FOXP1: variants seen among roughly 807,000 people sequenced by gnomAD.
The protein encoded by FOXP1 is forkhead box P1, also known as forkhead box protein P1.
Under a neutral mutation model 98.2 loss-of-function variants are expected in FOXP1, and 15 were observed. The observed-to-expected ratio is 0.15, with a 90% CI of 0.10 to 0.24. The LOEUF (loss-of-function observed/expected upper bound fraction) is 0.24. FOXP1 is among the 10% of genes least tolerant of loss of function. FOXP1 has a pLI of 1.00. For missense variants in FOXP1, 633 were observed against 848.5 expected, an observed-to-expected ratio of 0.75 and a Z score of 3.15; for synonymous variants, 371 against 314.5, an observed-to-expected ratio of 1.18 and a Z score of -1.90.
At chr3:71,469,124 A>C (rs569639690) in intron 3 of FOXP1, among the ~76,000 whole-genome samples, 8 of 152,222 alleles carry the variant, frequency 5.3e-5, no homozygotes, top group Admixed American at 4.6e-4. Context: ...AATAACAATA[A>C]AAGTGCAAAT....
At chr3:71,297,710 G>C (rs921520419) in intron 5 of FOXP1, among the ~76,000 whole-genome samples, 1 of 150,490 alleles carries the variant, frequency 6.6e-6, no homozygotes, top group African/African-American at 2.4e-5. Context: ...CTGCCTCCCG[G>C]GTTTAAGTGA....
chr3:71,478,314 G>C (rs1408191557), intron 3 of FOXP1, among the ~76,000 whole-genome samples: 1 of 152,018 alleles, frequency 6.6e-6, no homozygotes, highest in African/African-American at 2.4e-5. Flanking sequence ...TTCACAATGA[G>C]AAAAAAATAT....
intron 5 of FOXP1, chr3:71,210,910 C>T (rs1158614120): frequency 2.0e-5 from 3 of 152,102 alleles, no homozygotes; most frequent in Non-Finnish European, 2.9e-5. Context: ...ATTTTCTTTT[C>T]CTGAACCCTG....
chr3:71,501,978 C>G (rs2107195881), intron 2 of FOXP1, among the ~76,000 whole-genome samples: 1 of 152,280 alleles, frequency 6.6e-6, no homozygotes, highest in East Asian at 1.9e-4. Context: ...TGGATGGTGG[C>G]ACGACAGCGC....
chr3:71,542,632 C>T (rs1411179060), intron 2 of FOXP1, among the ~76,000 whole-genome samples: 1 of 152,210 alleles, frequency 6.6e-6, no homozygotes, highest in Admixed American at 6.5e-5. Flanking sequence ...CGGCTGTGTG[C>T]CACATCTGCA....
intron 13 of FOXP1, among the ~76,000 whole-genome samples, chr3:70,991,509 A>C (rs2040596727): frequency 6.6e-6 from 1 of 152,200 alleles, no homozygotes; most frequent in South Asian, 2.1e-4. Context: ...AGAAAAGGGA[A>C]CACGGTTTGG....
rs112098084 is a variant in FOXP1 at position 70,956,415 on chromosome 3, C to CTT, written c.*2830_*2831dup. 288 of 186,380 alleles carry CTT rather than the reference C, an allele frequency of 1.5e-3. No individual in the cohort carries two copies. The highest frequency in any genetic ancestry group is 2.1e-3 in the Non-Finnish European group (198 of 95,922). 11.5% of individuals were successfully genotyped at this position (186,380 alleles called of 1,614,324 possible). ...CAAAGATATGTAAAATCTAATTTTT[C>CTT]TTTTTTTTTTTTTTTTGCTACAGTC... On this transcript the variant is annotated 3_prime_UTR_variant, in exon 21 of 21. Transcript: ENST00000649528.
chr3:70,959,957 C>A (rs1324631977), intron 20 of FOXP1, among the ~76,000 whole-genome samples: 3 of 152,188 alleles, frequency 2.0e-5, no homozygotes, highest in Admixed American at 1.3e-4. Context: ...CAAATAATTA[C>A]ACGAAATAAG....
At chr3:71,568,175 G>T (rs1322040734) in intron 2 of FOXP1, among the ~76,000 whole-genome samples, 2 of 152,106 alleles carry the variant, frequency 1.3e-5, no homozygotes, top group Admixed American at 6.5e-5. Context: ...CTTGCAGAAG[G>T]CCTGCAGAGA....
At position 71,317,549 on chromosome 3, in the gene FOXP1, C is replaced by T. The variant is rs188204353; in HGVS notation, c.-72-17669G>A. On this transcript the variant is annotated intron_variant, in intron 4 of 20. Transcript: ENST00000649528. ...AAAAAATATTTTCCTTTTGGGAAAG[C>T]AATTTGGGCTTCTAAAAGTTACTGC... 6.0e-4 allele frequency among the ~76,000 whole-genome samples: 91 copies of T among 152,234 alleles called. 3 individuals carry two copies. The East Asian group carries it at 0.017, about 28-fold the overall frequency.
intron 7 of FOXP1, among the ~76,000 whole-genome samples, chr3:71,112,016 T>C (rs1054953636): frequency 1.3e-5 from 2 of 150,494 alleles, no homozygotes; most frequent in Non-Finnish European, 2.9e-5. Context: ...TTTGGCAACA[T>C]CCCTGGCCTG....
chr3:71,079,345 A>G (rs1026857553), intron 7 of FOXP1, among the ~76,000 whole-genome samples: 1 of 151,842 alleles, frequency 6.6e-6, no homozygotes, highest in East Asian at 1.9e-4. Flanking sequence ...AGAGCTCTTC[A>G]CTCTACACTA....
intron 7 of FOXP1, among the ~76,000 whole-genome samples, chr3:71,085,233 C>A (rs766010952): frequency 1.6e-4 from 24 of 152,258 alleles, no homozygotes; most frequent in Admixed American, 9.8e-4. Flanking sequence ...ACCTCAACCT[C>A]CCATGGTCAA....
intron 4 of FOXP1, among the ~76,000 whole-genome samples, chr3:71,328,992 A>AAC: frequency 6.8e-6 from 1 of 147,226 alleles, no homozygotes; most frequent in Non-Finnish European, 1.5e-5. Flanking sequence ...AAAAAAAACA[A>AAC]AAAAAAAAAA....
At chr3:71,501,986 C>T (rs1326238883) in intron 2 of FOXP1, among the ~76,000 whole-genome samples, 3 of 152,130 alleles carry the variant, frequency 2.0e-5, no homozygotes, top group South Asian at 2.1e-4. Context: ...GGCACGACAG[C>T]GCCTGGAACA....
chr3:71,040,080 G>GGT (rs111790256), intron 11 of FOXP1, among the ~76,000 whole-genome samples: 13,353 of 147,818 alleles, frequency 0.09, 1,302 homozygotes, highest in African/African-American at 0.25. Flanking sequence ...ACTTGAACAT[G>GGT]GTGTGTGTGT....
At position 70,958,013 on chromosome 3, in the gene FOXP1, A is replaced by G. The variant is rs912956627; in HGVS notation, c.*1234T>C. ...GGTTTTTTTTTTTGGCCATTTTGCA[A>G]ACAAAACCAACCCACACCCGTTATC... is the stretch of plus-strand genomic sequence containing the variant. On this transcript the variant is annotated 3_prime_UTR_variant, in exon 21 of 21. Transcript: ENST00000649528. The G allele has an allele frequency of 5.0e-5, 12 of 240,266 alleles. No individual in the cohort carries two copies. The Admixed American group carries it at 6.0e-4, about 12-fold the overall frequency. 14.9% of individuals were successfully genotyped at this position (240,266 alleles called of 1,614,324 possible). A position where few individuals can be genotyped will look rare whatever the true frequency, so the allele number is the denominator to read the frequency against.
intron 6 of FOXP1, among the ~76,000 whole-genome samples, chr3:71,151,970 T>A (rs1051403212): frequency 3.9e-5 from 6 of 152,208 alleles, no homozygotes; most frequent in African/African-American, 1.4e-4. Flanking sequence ...TGGGATGGAA[T>A]ACATTCCTTT....
intron 5 of FOXP1, among the ~76,000 whole-genome samples, chr3:71,289,341 A>G (rs891889747): frequency 6.6e-6 from 1 of 151,056 alleles, no homozygotes; most frequent in Non-Finnish European, 1.5e-5. Flanking sequence ...GCCCAGCCTA[A>G]TTTTGTTTTT....
Sources: gnomAD v4.1 joint callset for allele counts (sites outside exome capture counted in the v4.1 genomes callset) on GRCh38, gnomAD v4.1.1 for gene constraint, MANE v1.5 for transcripts, NCBI Gene and HGNC (gene_info 2026-07-23, HGNC 2026-07-21) for gene names.